SLC44A5: variants seen among roughly 807,000 people sequenced by gnomAD.
SLC44A5 encodes choline transporter-like protein 5.
Under a neutral mutation model 101.8 loss-of-function variants are expected in SLC44A5, and 57 were observed. That is an observed-to-expected ratio of 0.56 (90% CI 0.45 to 0.70). The LOEUF (loss-of-function observed/expected upper bound fraction) is 0.70, where lower values mean the gene tolerates loss of function less well. Among genes scored for constraint, SLC44A5 ranks in the 30% least tolerant of loss-of-function variants. The pLI is 0.00. For missense variants in SLC44A5, 737 were observed against 853.1 expected (o/e 0.86, Z 1.70); for synonymous variants, 281 against 290.9 (o/e 0.97, Z 0.35).
At chr1:75,256,074 A>T (rs573560752) in intron 6 of SLC44A5, among the ~76,000 whole-genome samples, 7 of 152,248 alleles carry the variant, frequency 4.6e-5, no homozygotes, top group African/African-American at 1.4e-4. Flanking sequence ...GGGATATAGG[A>T]AACAATAAAT....
At chr1:75,315,482 C>T (rs1485741282) in intron 4 of SLC44A5, among the ~76,000 whole-genome samples, 1 of 152,092 alleles carries the variant, frequency 6.6e-6, no homozygotes, top group Non-Finnish European at 1.5e-5. Context: ...GCACTCCATC[C>T]TTGTAATCAT....
At chr1:75,540,604 C>G (rs1671307841) in intron 2 of SLC44A5, among the ~76,000 whole-genome samples, 1 of 152,108 alleles carries the variant, frequency 6.6e-6, no homozygotes, top group African/African-American at 2.4e-5. Context: ...TTTAATAACT[C>G]TTAATCTTTT....
At chr1:75,287,079 A>T (rs1653114480) in intron 5 of SLC44A5, among the ~76,000 whole-genome samples, 1 of 151,982 alleles carries the variant, frequency 6.6e-6, no homozygotes, top group Non-Finnish European at 1.5e-5. Context: ...AACACAAATT[A>T]TTCTTAAATT....
intron 3 of SLC44A5, among the ~76,000 whole-genome samples, chr1:75,347,685 A>AGTGTGTGTGTGTGTGTGT (rs10677527): frequency 1.6e-4 from 23 of 147,944 alleles, no homozygotes; most frequent in African/African-American, 5.6e-4. Context: ...AGTGGTGGTG[A>AGTGTGTGTGTGTGTGTGT]GTGTGTGTGT....
At chr1:75,622,828 A>C in the SLC44A5 span, among the ~76,000 whole-genome samples, 2 of 152,132 alleles carry the variant, frequency 1.3e-5, no homozygotes, top group East Asian at 3.8e-4. Context: ...AAGTGTTCTT[A>C]AGTTGTCCCA....
intron 6 of SLC44A5, among the ~76,000 whole-genome samples, chr1:75,252,639 G>A (rs1455079413): frequency 6.6e-6 from 1 of 152,202 alleles, no homozygotes; most frequent in Non-Finnish European, 1.5e-5. Flanking sequence ...AGTAAGAGGG[G>A]TAGACCAACA....
intron 2 of SLC44A5, among the ~76,000 whole-genome samples, chr1:75,495,576 G>C (rs1668628497): frequency 6.6e-6 from 1 of 151,818 alleles, no homozygotes; most frequent in Non-Finnish European, 1.5e-5. Flanking sequence ...AGGTATCATA[G>C]AGCTGAATAA....
the SLC44A5 span, among the ~76,000 whole-genome samples, chr1:75,674,099 G>GAT: frequency 2.6e-5 from 4 of 152,050 alleles, no homozygotes; most frequent in African/African-American, 9.7e-5. Flanking sequence ...GAGAGAGAGA[G>GAT]ATATATGACC....
At chr1:75,320,949 C>T (rs1445391000) in intron 4 of SLC44A5, among the ~76,000 whole-genome samples, 1 of 151,938 alleles carries the variant, frequency 6.6e-6, no homozygotes, top group South Asian at 2.1e-4. Context: ...AGCAAGTGTG[C>T]TTATTTATCA....
the SLC44A5 span, among the ~76,000 whole-genome samples, chr1:75,675,214 T>C: frequency 6.6e-6 from 1 of 152,240 alleles, no homozygotes; most frequent in Non-Finnish European, 1.5e-5. Context: ...GTATGGCCAC[T>C]TTCACAATAT....
At chr1:75,297,964 A>G (rs1654103446) in intron 5 of SLC44A5, among the ~76,000 whole-genome samples, 1 of 137,724 alleles carries the variant, frequency 7.3e-6, no homozygotes, top group Non-Finnish European at 1.6e-5. Context: ...CAAAACAAAA[A>G]CAACAACAAC....
chr1:75,550,077 G>C (rs2101977719), intron 1 of SLC44A5, among the ~76,000 whole-genome samples: 1 of 152,162 alleles, frequency 6.6e-6, no homozygotes, highest in African/African-American at 2.4e-5. Flanking sequence ...ATTCTGCTGA[G>C]TTGAAAACAG....
the SLC44A5 span, among the ~76,000 whole-genome samples, chr1:75,635,814 A>T: frequency 1.7e-4 from 10 of 60,064 alleles, no homozygotes; most frequent in African/African-American, 4.2e-4. Context: ...TAATAATAAT[A>T]AAAAAAAAAT....
intron 3 of SLC44A5, among the ~76,000 whole-genome samples, chr1:75,372,353 C>T (rs1346059755): frequency 6.6e-6 from 1 of 152,096 alleles, no homozygotes; most frequent in African/African-American, 2.4e-5. Flanking sequence ...CTCTGGCTAA[C>T]ACTTACATGC....
At position 75,227,561 on chromosome 1, in the gene SLC44A5, A is replaced by G. The variant is rs564391008; in HGVS notation, c.985+165T>C. ...TAGATTATACAATAAATTTTCCTCAATGACTTTTCCACTTACTGTAGTTAG... is the reference window on the plus strand; with the variant it reads ...TAGATTATACAATAAATTTTCCTCAGTGACTTTTCCACTTACTGTAGTTAG... On this transcript the variant is annotated intron_variant, in intron 13 of 23. Transcript: ENST00000370859. Among the ~76,000 whole-genome samples the G allele has an allele frequency of 3.3e-5, 5 of 152,256 alleles. No individual in the cohort carries two copies. The East Asian group carries it at 9.7e-4, about 29-fold the overall frequency.
At chr1:75,338,278 G>T (rs572502007) in intron 4 of SLC44A5, among the ~76,000 whole-genome samples, 1 of 152,050 alleles carries the variant, frequency 6.6e-6, no homozygotes, top group Non-Finnish European at 1.5e-5. Flanking sequence ...GAACTACACG[G>T]TTCCGTCATT....
intron 2 of SLC44A5, among the ~76,000 whole-genome samples, chr1:75,454,855 C>A (rs1666099499): frequency 6.6e-6 from 1 of 151,908 alleles, no homozygotes; most frequent in African/African-American, 2.4e-5. Flanking sequence ...ACAAGGAGAG[C>A]TACAAAACAC....
intron 5 of SLC44A5, among the ~76,000 whole-genome samples, chr1:75,278,248 A>AAGT (rs1652097254): frequency 6.8e-6 from 1 of 146,696 alleles, no homozygotes; most frequent in Non-Finnish European, 1.5e-5. Flanking sequence ...ATATTAAGTT[A>AAGT]TTATTAAAAT....
chr1:75,457,610 C>A (rs1393477108), intron 2 of SLC44A5, among the ~76,000 whole-genome samples: 2 of 152,170 alleles, frequency 1.3e-5, no homozygotes, highest in Non-Finnish European at 2.9e-5. Context: ...GTAATCTCAG[C>A]ACTTTGGGAG....
Sources: allele counts gnomAD v4.1 joint callset (sites outside exome capture counted in the v4.1 genomes callset), GRCh38; gene constraint gnomAD v4.1.1; transcripts MANE v1.5; gene names NCBI Gene and HGNC (gene_info 2026-07-23, HGNC 2026-07-21).